Variants in PAK1 observed in about 807,000 individuals in gnomAD.
The protein encoded by PAK1 is serine/threonine-protein kinase PAK 1.
PAK1 carries 29 observed loss-of-function variants against 67.4 expected under a neutral mutation model. That is an observed-to-expected ratio of 0.43 (90% CI 0.32 to 0.59). The LOEUF is 0.59. Among genes scored for constraint, PAK1 ranks in the 20% least tolerant of loss-of-function variants. The pLI is 0.07. For missense variants in PAK1, 337 were observed against 670.7 expected, an observed-to-expected ratio of 0.50 and a Z score of 5.50; for synonymous variants, 223 against 237.4, an observed-to-expected ratio of 0.94 and a Z score of 0.56.
chr11:77,425,443 A>G (rs1362359866), intron 1 of PAK1, among the ~76,000 whole-genome samples: 1 of 152,172 alleles, frequency 6.6e-6, no homozygotes, highest in African/African-American at 2.4e-5. Flanking sequence ...GCAACTAATA[A>G]AGCACATTCA....
chr11:77,366,048 G>A (rs1359665149), intron 5 of PAK1, among the ~76,000 whole-genome samples: 1 of 152,130 alleles, frequency 6.6e-6, no homozygotes, highest in Non-Finnish European at 1.5e-5. Flanking sequence ...AAGGCAGTGG[G>A]ATGACATATT....
intron 5 of PAK1, among the ~76,000 whole-genome samples, chr11:77,368,818 A>G (rs1947978524): frequency 6.6e-6 from 1 of 152,086 alleles, no homozygotes; most frequent in Non-Finnish European, 1.5e-5. Flanking sequence ...CACCAAGCCC[A>G]GCTAATTTTT....
chr11:77,440,180 C>T (rs1956292506), intron 1 of PAK1, among the ~76,000 whole-genome samples: 1 of 152,160 alleles, frequency 6.6e-6, no homozygotes, highest in African/African-American at 2.4e-5. Flanking sequence ...TTTTGTTACT[C>T]TGCTATAAAA....
chr11:77,474,438 T>A (rs939250061), upstream of PAK1: 1 of 152,208 alleles, frequency 6.6e-6, no homozygotes, highest in Admixed American at 6.5e-5. Context: ...CTCGGTCCGC[T>A]GTCCGTGGCG....
chr11:77,404,033 C>T (rs1035715435), intron 1 of PAK1, among the ~76,000 whole-genome samples: 5 of 152,174 alleles, frequency 3.3e-5, no homozygotes, highest in Non-Finnish European at 7.3e-5. Flanking sequence ...CACCTTCTAC[C>T]ACGGAATAAC....
intron 9 of PAK1, among the ~76,000 whole-genome samples, chr11:77,345,266 C>G (rs570596238): frequency 6.6e-6 from 1 of 151,126 alleles, no homozygotes; most frequent in African/African-American, 2.4e-5. Context: ...TGGTGCTCAA[C>G]AAATGTCTGT....
At chr11:77,461,492 CAGT>C (rs1462334176) in intron 1 of PAK1, among the ~76,000 whole-genome samples, 26 of 152,274 alleles carry the variant, frequency 1.7e-4, no homozygotes, top group African/African-American at 6.3e-4. Context: ...TCTGTTTCTC[CAGT>C]AGAACATTGA....
In PAK1 at chr11:77,456,942, C is replaced by G. The variant is rs1180165064; in HGVS notation, c.-22+16610G>C. ...ATTTTTAGTAGAGACAGGGTTTCTCCGTGTTAGCCAGAATGGTCTCAATCT... is the reference window on the plus strand; with the variant it reads ...ATTTTTAGTAGAGACAGGGTTTCTCGGTGTTAGCCAGAATGGTCTCAATCT... On this transcript the variant is annotated intron_variant, in intron 1 of 14. Transcript: ENST00000356341. Among the ~76,000 whole-genome samples the G allele has an allele frequency of 5.9e-5, 9 of 152,092 alleles. No homozygotes were observed. The South Asian group carries it at 1.9e-3, about 32-fold the overall frequency.
intron 1 of PAK1, among the ~76,000 whole-genome samples, chr11:77,456,870 T>C (rs1957104506): frequency 6.6e-6 from 1 of 151,860 alleles, no homozygotes; most frequent in African/African-American, 2.4e-5. Flanking sequence ...GCCTCTCGAG[T>C]ACCTGGGACT....
At chr11:77,391,658 A>G (rs1951157125) in intron 2 of PAK1, among the ~76,000 whole-genome samples, 1 of 152,232 alleles carries the variant, frequency 6.6e-6, no homozygotes, top group South Asian at 2.1e-4. Flanking sequence ...TTATTTTACA[A>G]CCTTGTCTAC....
At chr11:77,425,879 G>A (rs1955517342) in intron 1 of PAK1, among the ~76,000 whole-genome samples, 1 of 152,058 alleles carries the variant, frequency 6.6e-6, no homozygotes, top group Non-Finnish European at 1.5e-5. Flanking sequence ...TAAGGCAGGG[G>A]GATCGCTTGA....
At chr11:77,373,969 C>T (rs1313422536) in intron 5 of PAK1, among the ~76,000 whole-genome samples, 1 of 152,130 alleles carries the variant, frequency 6.6e-6, no homozygotes, top group Non-Finnish European at 1.5e-5. Flanking sequence ...GAAATTGAAG[C>T]TCAAAGAGGC....
At chr11:77,511,485 T>C in the PAK1 span, among the ~76,000 whole-genome samples, 1 of 152,134 alleles carries the variant, frequency 6.6e-6, no homozygotes, top group African/African-American at 2.4e-5. Flanking sequence ...TCTCCGGAGT[T>C]TTGCCTGCAG....
the PAK1 span, among the ~76,000 whole-genome samples, chr11:77,489,456 GTCTCCC>G: frequency 6.8e-6 from 1 of 146,044 alleles, no homozygotes; most frequent in Non-Finnish European, 1.5e-5. Context: ...TCTCCCCACG[GTCTCCC>G]TCTCCCTCTC....
At chr11:77,458,255 C>T (rs61901815) in intron 1 of PAK1, among the ~76,000 whole-genome samples, 2,265 of 152,126 alleles carry the variant, frequency 0.015, 50 homozygotes, top group Non-Finnish European at 0.018. Context: ...GTTATATTGC[C>T]CACAAAGTTA....
At chr11:77,415,594 G>A (rs1954900886) in intron 1 of PAK1, among the ~76,000 whole-genome samples, 1 of 151,662 alleles carries the variant, frequency 6.6e-6, no homozygotes, top group Non-Finnish European at 1.5e-5. Flanking sequence ...AAAAAGTACA[G>A]TAAAAATACG....
At chr11:77,504,652 T>G in the PAK1 span, among the ~76,000 whole-genome samples, 1 of 152,232 alleles carries the variant, frequency 6.6e-6, no homozygotes, top group East Asian at 1.9e-4. Flanking sequence ...TTAGTATTAT[T>G]ATGAAAGTGG....
intron 1 of PAK1, among the ~76,000 whole-genome samples, chr11:77,451,638 C>T (rs1281846893): frequency 2.8e-5 from 4 of 140,954 alleles, no homozygotes; most frequent in South Asian, 2.1e-4. Flanking sequence ...CTTGCTCTGT[C>T]GCCCAGGCTG....
intron 1 of PAK1, among the ~76,000 whole-genome samples, chr11:77,450,667 A>T (rs2135393837): frequency 6.6e-6 from 1 of 152,360 alleles, no homozygotes; most frequent in South Asian, 2.1e-4. Context: ...ACTGTGGGTC[A>T]GGTGTTGAAA....
Sources: gnomAD v4.1 joint callset for allele counts (sites outside exome capture counted in the v4.1 genomes callset) on GRCh38, gnomAD v4.1.1 for gene constraint, MANE v1.5 for transcripts, NCBI Gene and HGNC (gene_info 2026-07-23, HGNC 2026-07-21) for gene names.